PTDSS1: variants seen among roughly 807,000 people sequenced by gnomAD.
PTDSS1 encodes phosphatidylserine synthase 1.
Under a neutral mutation model 70.5 loss-of-function variants are expected in PTDSS1, and 45 were observed. That is an observed-to-expected ratio of 0.64 (90% CI 0.50 to 0.82). The LOEUF (loss-of-function observed/expected upper bound fraction) is 0.82. Ranked by LOEUF, PTDSS1 falls within the 40% of genes least tolerant of loss-of-function variation. PTDSS1 has a pLI of 0.00. For missense variants in PTDSS1, 417 were observed against 586.1 expected (o/e 0.71, Z 2.98); for synonymous variants, 188 against 203.8 (o/e 0.92, Z 0.66).
chr8:96,301,803 C>T (rs865861429), intron 6 of PTDSS1, among the ~76,000 whole-genome samples: 1 of 151,716 alleles, frequency 6.6e-6, no homozygotes, highest in Non-Finnish European at 1.5e-5. Context: ...GGCGTGAGCA[C>T]CGTGCCCAGC....
At position 96,335,423 on chromosome 8, in the gene PTDSS1, G is replaced by A. The variant is rs1377324991; in HGVS notation, c.*1857G>A. 6.6e-6 allele frequency: 1 copy of A among 152,148 alleles called. No homozygotes were observed. The highest frequency in any genetic ancestry group is 2.4e-5 in the African/African-American group (1 of 41,412). The allele number at this position is 152,148 out of a possible 1,614,324, so 9.4% of individuals were successfully genotyped here. ...GTGGTGCCTCACTGAGTGTTTCCGG[G>A]TTCATTTTCCGGGAGCACTGGGCCT... On this transcript the variant is annotated 3_prime_UTR_variant, in exon 13 of 13. Coordinates refer to ENST00000517309, the MANE Select transcript of PTDSS1 (RefSeq NM_014754.3).
Position 96,330,230 on chromosome 8 carries a change from C to G in PTDSS1, c.1191C>G (p.Leu397=). The G allele has an allele frequency of 6.2e-7, 1 of 1,613,224 alleles. No individual in the cohort carries two copies. The highest frequency in any genetic ancestry group is 8.5e-7 in the Non-Finnish European group (1 of 1,179,326). The change falls in exon 11 of 13, where the codon CTC becomes CTG. Residue 397 remains leucine (L), a synonymous_variant. Coordinates refer to ENST00000517309, the MANE Select transcript of PTDSS1 (RefSeq NM_014754.3). ...WLLCVAFTTF[L]CLYGMIWYAE... ...TCTTCCAGGCTTTCACCACTTTCCT[C>G]TGTCTGTACGGCATGATTTGGTATG...
chr8:96,288,521 T>C (rs1810856063), intron 4 of PTDSS1, among the ~76,000 whole-genome samples: 1 of 151,650 alleles, frequency 6.6e-6, no homozygotes, highest in Admixed American at 6.6e-5. Flanking sequence ...GACGGTGGTC[T>C]CACCACGTTG....
intron 1 of PTDSS1, among the ~76,000 whole-genome samples, chr8:96,267,924 C>T (rs973268468): frequency 6.6e-6 from 1 of 152,226 alleles, no homozygotes; most frequent in African/African-American, 2.4e-5. Context: ...GCATCCTTCA[C>T]AATCCATTTG....
At chr8:96,304,317 A>C (rs992068411) in intron 7 of PTDSS1, 136 bp downstream of exon 7, 4 of 1,068,496 alleles carry the variant, frequency 3.7e-6, no homozygotes, top group Non-Finnish European at 5.2e-6. Context: ...TGCAGCTGGC[A>C]TGTAGAATAA....
intron 8 of PTDSS1, among the ~76,000 whole-genome samples, chr8:96,308,169 G>A (rs979808906): frequency 4.6e-5 from 7 of 152,104 alleles, no homozygotes; most frequent in Non-Finnish European, 7.4e-5. Flanking sequence ...TTTTTTATTA[G>A]ACTTTCACAC....
intron 5 of PTDSS1, among the ~76,000 whole-genome samples, chr8:96,297,758 C>T (rs1810995549): frequency 6.6e-6 from 1 of 152,194 alleles, no homozygotes; most frequent in Admixed American, 6.5e-5. Flanking sequence ...AATAGAACAC[C>T]TCGCCACTCT....
chr8:96,289,506 G>A (rs534094237), intron 4 of PTDSS1, among the ~76,000 whole-genome samples: 4 of 152,286 alleles, frequency 2.6e-5, no homozygotes, highest in South Asian at 2.1e-4. Context: ...AAGGGTTTCC[G>A]GAGCTCTGGG....
intron 1 of PTDSS1, among the ~76,000 whole-genome samples, chr8:96,272,170 A>G (rs1303989385): frequency 2.0e-5 from 3 of 151,772 alleles, no homozygotes; most frequent in African/African-American, 7.3e-5. Flanking sequence ...CCCCAAGTTT[A>G]CCTCTTTTCC....
chr8:96,300,924 T>G (rs1459525103), intron 6 of PTDSS1, among the ~76,000 whole-genome samples: 1 of 152,206 alleles, frequency 6.6e-6, no homozygotes, highest in East Asian at 1.9e-4. Context: ...TAATCTCACC[T>G]ATAATATATA....
intron 9 of PTDSS1, among the ~76,000 whole-genome samples, chr8:96,317,848 A>T (rs954784522): frequency 6.0e-5 from 9 of 151,018 alleles, no homozygotes; most frequent in Non-Finnish European, 1.0e-4. Flanking sequence ...CAGAATAAAG[A>T]TGCAAATTGT....
chr8:96,275,648 C>T (rs1392546379), intron 2 of PTDSS1, among the ~76,000 whole-genome samples: 1 of 152,112 alleles, frequency 6.6e-6, no homozygotes. Flanking sequence ...ACAAAGGTGG[C>T]CTAAGAATAC....
rs1186447865 is a variant in PTDSS1, at chr8:96,262,659, C to G, written c.179+440C>G. Among the ~76,000 whole-genome samples, 1 of 152,232 alleles carries G rather than the reference C, an allele frequency of 6.6e-6. No homozygotes were observed. The highest frequency in any genetic ancestry group is 2.4e-5 in the African/African-American group (1 of 41,454). ...TACAAAGCACCCCAATCCACAGCGC[C>G]TGCAGGCACCATACACAGGCCCAGG... On this transcript the variant is annotated intron_variant, in intron 1 of 12. Transcript: ENST00000517309. This position sits in a 1 kb window ranked among gnomAD's most constrained non-coding sequence, Gnocchi z 4.4.
chr8:96,319,157 G>A lies in PTDSS1; in HGVS notation c.1074-1089G>A, dbSNP rs111886742. On this transcript the variant is annotated intron_variant, in intron 9 of 12. Transcript: ENST00000517309. ...TTGAACTCCTGAGTTCAAGTGATCC[G>A]CTCGCCTCAGCCTCCCAAAGTGCCG... 3.8e-3 allele frequency among the ~76,000 whole-genome samples: 578 copies of A among 151,780 alleles called. 2 individuals are homozygous for A. Among genetic ancestry groups the A allele is most frequent in the African/African-American group, 0.012 (510 of 41,400 alleles).
chr8:96,295,755 A>C (rs1354347932), intron 5 of PTDSS1, among the ~76,000 whole-genome samples: 2 of 152,244 alleles, frequency 1.3e-5, no homozygotes, highest in East Asian at 3.8e-4. Flanking sequence ...ATAGTCTTGA[A>C]AAACCATTAG....
In PTDSS1 at chr8:96,287,075, G is replaced by A. The variant is rs777384907; in HGVS notation, c.370G>A (p.Glu124Lys). ...FLVFLLFLNF[E>K]QVKSLMYWLD... The stretch of plus-strand genomic sequence containing the variant: ...GGTATTCCTACTCTTCCTGAATTTC[G>A]AGCAGGTTAAATCTCTAATGTATTG... The change falls in exon 4 of 13, where the codon GAG becomes AAG. Residue 124 changes from glutamate to lysine, a missense_variant. By Grantham distance (56) the Glu-to-Lys change is moderately conservative (BLOSUM62 1). Around this residue, in one of 3 missense-constraint regions of PTDSS1, gnomAD observed 272 missense variants for 429.5 expected, o/e 0.63. Coordinates refer to ENST00000517309, the MANE Select transcript of PTDSS1 (RefSeq NM_014754.3). 5.6e-6 allele frequency: 9 copies of A among 1,613,926 alleles called. No individual in the cohort carries two copies. Among genetic ancestry groups the A allele is most frequent in the Admixed American group, 3.3e-5 (2 of 60,018 alleles).
chr8:96,331,728 T>A (rs1369191952), intron 12 of PTDSS1, among the ~76,000 whole-genome samples: 1 of 151,886 alleles, frequency 6.6e-6, no homozygotes, highest in African/African-American at 2.4e-5. Flanking sequence ...ACGTTCTTCC[T>A]CTTGGCTTCC....
In PTDSS1 at chr8:96,306,669, G is replaced by A. The variant is rs541355940; in HGVS notation, c.1007+113G>A. On this transcript the variant is annotated intron_variant, in intron 8 of 12. Coordinates refer to ENST00000517309, the MANE Select transcript of PTDSS1 (RefSeq NM_014754.3). ...GCAGATTTTCCATGAAAATACCATC[G>A]TAAAGAATTGTACATCCAGAATATG... 60 of 789,724 alleles carry A rather than the reference G, an allele frequency of 7.6e-5. No homozygotes were observed. In the Middle Eastern group the frequency reaches 1.4e-3, roughly 18 times the overall value. The allele number at this position is 789,724 out of a possible 1,614,324, so 48.9% of individuals were successfully genotyped here. A position where few individuals can be genotyped will look rare whatever the true frequency, so the allele number is the denominator to read the frequency against.
intron 10 of PTDSS1, among the ~76,000 whole-genome samples, chr8:96,326,712 C>A (rs546103577): frequency 6.6e-5 from 10 of 152,066 alleles, no homozygotes; most frequent in African/African-American, 1.2e-4. Flanking sequence ...AATTTTCAAG[C>A]GGGGAAACAA....
Sources: gnomAD v4.1 joint callset for allele counts (sites outside exome capture counted in the v4.1 genomes callset) on GRCh38, gnomAD v4.1.1 for gene constraint, gnomAD v4.1.1 regional missense constraint, Gnocchi (gnomAD v3.1) non-coding constraint, MANE v1.5 for transcripts, NCBI Gene and HGNC (gene_info 2026-07-23, HGNC 2026-07-21) for gene names.